The following DDX24 variants were observed in gnomAD, a reference collection of about 807,000 sequenced individuals.
The protein encoded by DDX24 is ATP-dependent RNA helicase DDX24.
Under a neutral mutation model 68.9 loss-of-function variants are expected in DDX24, and 24 were observed. The ratio of observed to expected loss-of-function variants is 0.35; its 90% CI spans 0.25 to 0.49. The LOEUF (loss-of-function observed/expected upper bound fraction) is 0.49, where lower values mean the gene tolerates loss of function less well. Ranked by LOEUF, DDX24 falls within the 20% of genes least tolerant of loss-of-function variation. The pLI is 0.99. For missense variants in DDX24, 989 were observed against 1,039.0 expected (o/e 0.95, Z 0.66); for synonymous variants, 395 against 385.2 (o/e 1.03, Z -0.30).
At position 94,055,014 on chromosome 14, in the gene DDX24, T is replaced by C. The variant is rs778125782; in HGVS notation, c.2160A>G (p.Lys720=). Residue 720 remains lysine (K), a synonymous_variant, in exon 7 of 9, where the codon AAA becomes AAG. Transcript: ENST00000621632. ...EDIPLFPVQT[K]YMDVVKERIR... is the part of the protein sequence containing the mutation. The stretch of plus-strand genomic sequence containing the variant: ...TTTCTACCTTGACCACATCCATGTA[T>C]TTTGTCTGCACGGGGAACAGTGGGA... 1.9e-6 allele frequency: 3 copies of C among 1,614,188 alleles called. No individual in the cohort carries two copies. The highest frequency in any genetic ancestry group is 2.5e-6 in the Non-Finnish European group (3 of 1,180,014).
intron 8 of DDX24, among the ~76,000 whole-genome samples, chr14:94,052,723 A>G (rs1379807342): frequency 6.6e-6 from 1 of 152,198 alleles, no homozygotes; most frequent in Non-Finnish European, 1.5e-5. Flanking sequence ...GCATTCTAAC[A>G]CAGGCAGCCT....
At chr14:94,060,699 C>T in intron 4 of DDX24, 86 bp from the exon 5 acceptor site, 5 of 1,451,082 alleles carry the variant, frequency 3.4e-6, no homozygotes, top group South Asian at 1.3e-5. Context: ...ATCCTAAACA[C>T]ACACACACAC....
At chr14:94,053,537 G>C (rs557955141) in intron 7 of DDX24, among the ~76,000 whole-genome samples, 4 of 151,864 alleles carry the variant, frequency 2.6e-5, no homozygotes, top group African/African-American at 9.7e-5. Flanking sequence ...CTCTTGAGCC[G>C]GGCATGGTGG....
At chr14:94,078,577 C>T (rs979825122) in intron 2 of DDX24, among the ~76,000 whole-genome samples, 3 of 152,222 alleles carry the variant, frequency 2.0e-5, no homozygotes, top group Admixed American at 6.5e-5. Context: ...CTTTGCACAA[C>T]TCCTGAGAAT....
chr14:94,073,453 A>G lies in DDX24; in HGVS notation c.718+5572T>C, dbSNP rs1595379938. On this transcript the variant is annotated intron_variant, in intron 2 of 8. Coordinates refer to ENST00000621632, the MANE Select transcript of DDX24 (RefSeq NM_020414.4). ...AAGACCCATTTATATGCTGCCTATA[A>G]GAAATTCACATTAAATATAAATAAG... 2.6e-5 allele frequency among the ~76,000 whole-genome samples: 4 copies of G among 152,282 alleles called. No homozygotes were observed. In the South Asian group the frequency reaches 8.3e-4, roughly 32 times the overall value.
chr14:94,060,652 G>A (rs749934727), intron 4 of DDX24, 39 bp from the exon 5 acceptor site: 72 of 1,594,628 alleles, frequency 4.5e-5, no homozygotes, highest in Middle Eastern at 1.7e-4. Flanking sequence ...GGTCAGCAGC[G>A]GGTTAAGAGG....
chr14:94,066,649 TA>T (rs1420641061), intron 2 of DDX24, among the ~76,000 whole-genome samples: 5 of 152,172 alleles, frequency 3.3e-5, no homozygotes, highest in Non-Finnish European at 7.3e-5. Flanking sequence ...CATAGACGGT[TA>T]ACATCACAGG....
chr14:94,080,114 T>G (rs189290217), intron 1 of DDX24, among the ~76,000 whole-genome samples: 1 of 152,250 alleles, frequency 6.6e-6, no homozygotes, highest in African/African-American at 2.4e-5. Context: ...TTTATGTAAA[T>G]AAAGAAAATT....
At position 94,059,070 on chromosome 14, in the gene DDX24, A is replaced by G. The variant is rs144165158; in HGVS notation, c.1913+1028T>C. 5.8e-3 allele frequency among the ~76,000 whole-genome samples: 881 copies of G among 151,832 alleles called. 5 individuals are homozygous for G. Among genetic ancestry groups the G allele is most frequent in the African/African-American group, 0.02 (815 of 41,414 alleles). On this transcript the variant is annotated intron_variant, in intron 5 of 8. Transcript: ENST00000621632. ...GCAACATAGCAAGACCCCATCTTAGAAAAAAAAAGGGCAGCAAGCAAGATT... is the reference window on the plus strand; with the variant it reads ...GCAACATAGCAAGACCCCATCTTAGGAAAAAAAAGGGCAGCAAGCAAGATT...
chr14:94,065,731 C>G (rs1022705424), intron 2 of DDX24, among the ~76,000 whole-genome samples: 1 of 152,188 alleles, frequency 6.6e-6, no homozygotes, highest in African/African-American at 2.4e-5. Flanking sequence ...CACACACCCC[C>G]ACTAGAGAAG....
Position 94,053,141 on chromosome 14 carries a change from A to AC in DDX24, c.2179-15dup. The AC allele has an allele frequency of 6.2e-7, 1 of 1,613,884 alleles. No individual in the cohort carries two copies. The highest frequency in any genetic ancestry group is 1.1e-5 in the South Asian group (1 of 91,046). On this transcript the variant is annotated splice_polypyrimidine_tract_variant and intron_variant, in intron 7 of 8. Coordinates refer to ENST00000621632, the MANE Select transcript of DDX24 (RefSeq NM_020414.4). ...ACGGATTCGCTCCTGGGGGGAAGTA[A>AC]CAGAAAATATTCATCTGAAATAGAG... is the stretch of plus-strand genomic sequence containing the variant.
chr14:94,065,456 T>C (rs74616707), intron 2 of DDX24, among the ~76,000 whole-genome samples: 15,817 of 151,172 alleles, frequency 0.1, 898 homozygotes, highest in Non-Finnish European at 0.13. Flanking sequence ...AATAGAAAAG[T>C]AACAGATTTA....
chr14:94,080,324 T>A (rs1490210699), intron 1 of DDX24, among the ~76,000 whole-genome samples: 1 of 152,156 alleles, frequency 6.6e-6, no homozygotes, highest in Non-Finnish European at 1.5e-5. Context: ...TTAAAACCCA[T>A]CCAGTTTCTT....
chr14:94,052,918 G>C, intron 8 of DDX24, 80 bp downstream of exon 8: 1 of 1,535,732 alleles, frequency 6.5e-7, no homozygotes, highest in East Asian at 2.3e-5. Flanking sequence ...AAGACCCACA[G>C]TAGTAGAGAT....
At chr14:94,056,595 G>A (rs1885496672) in intron 6 of DDX24, 1 of 138,038 alleles carries the variant, frequency 7.2e-6, no homozygotes, top group Non-Finnish European at 1.6e-5. Flanking sequence ...ATAATAAACT[G>A]GTAAATGTGT....
chr14:94,055,281 CA>C, intron 6 of DDX24, 97 bp from the exon 7 acceptor site: 1 of 1,281,864 alleles, frequency 7.8e-7, no homozygotes, highest in Non-Finnish European at 1.1e-6. Flanking sequence ...TCCTACCTCC[CA>C]GCCAGGCAGG....
chr14:94,054,875 G>T, intron 7 of DDX24, 121 bp downstream of exon 7: 1 of 1,126,558 alleles, frequency 8.9e-7, no homozygotes. Context: ...TCCTTGTTCA[G>T]CTGTTGGCAG....
rs554176734 is a variant in DDX24, at chr14:94,060,914, T to C, written c.1396A>G (p.Arg466Gly). ...GAAAAGAGAAGTGCCATCTATTACC[T>C]GAGCTGCCGAAGGTTCCTCAAATGA... ...HYHLRNLRQL[R>G]CLVVDEADRM... The change falls in exon 4 of 9, where the codon AGG becomes GGG. Residue 466 changes from arginine to glycine, a missense_variant and splice_region_variant. Transcript: ENST00000621632. 1 of 1,614,134 alleles carries C rather than the reference T, an allele frequency of 6.2e-7. No homozygotes were observed. Among genetic ancestry groups the C allele is most frequent in the East Asian group, 2.2e-5 (1 of 44,890 alleles).
chr14:94,052,902 T>C, intron 8 of DDX24, 96 bp downstream of exon 8: 2 of 1,493,966 alleles, frequency 1.3e-6, no homozygotes, highest in Non-Finnish European at 1.8e-6. Context: ...CCTTGCTGAT[T>C]TTGACAAGAC....
Sources: gnomAD v4.1 joint callset for allele counts (sites outside exome capture counted in the v4.1 genomes callset) on GRCh38, gnomAD v4.1.1 for gene constraint, MANE v1.5 for transcripts, NCBI Gene and HGNC (gene_info 2026-07-23, HGNC 2026-07-21) for gene names.